The following PRKN variants were observed in gnomAD, a reference collection of about 807,000 sequenced individuals.
PRKN encodes the protein parkin RBR E3 ubiquitin protein ligase, also known as E3 ubiquitin-protein ligase parkin.
A neutral mutation model predicts 59.5 loss-of-function variants in PRKN; 56 were observed. That is an observed-to-expected ratio of 0.94 (90% confidence interval 0.76 to 1.18). The LOEUF is 1.18. Ranked by LOEUF, PRKN falls within the 50% of genes most tolerant of loss-of-function variation. The pLI, the probability that PRKN is intolerant of heterozygous loss-of-function variation, is 0.00. For missense variants in PRKN, 657 were observed against 596.4 expected (o/e 1.10, Z -1.06); for synonymous variants, 250 against 222.1 (o/e 1.13, Z -1.12).
At position 161,410,622 on chromosome 6, in the gene PRKN, C is replaced by T. The variant is rs539474990; in HGVS notation, c.1084-23745G>A. The stretch of plus-strand genomic sequence containing the variant: ...CTATTTCCTCCATTCTGGTGCTCAT[C>T]GTGGGCCATGCGTTGGTTACAAGGA... On this transcript the variant is annotated intron_variant, in intron 9 of 11. Transcript: ENST00000366898. This position sits in a 1 kb window ranked among gnomAD's most constrained non-coding sequence, Gnocchi z 5.3. 3.2e-4 allele frequency among the ~76,000 whole-genome samples: 48 copies of T among 152,148 alleles called. No homozygotes were observed. The highest frequency in any genetic ancestry group is 6.2e-4 in the Non-Finnish European group (42 of 68,020).
rs1351658285 is a variant in PRKN at position 161,548,050 on chromosome 6, A to G, written c.1083+804T>C. 6.6e-6 allele frequency among the ~76,000 whole-genome samples: 1 copy of G among 152,032 alleles called. No homozygotes were observed. Among genetic ancestry groups the G allele is most frequent in the East Asian group, 1.9e-4 (1 of 5,188 alleles). On this transcript the variant is annotated intron_variant, in intron 9 of 11. Coordinates refer to ENST00000366898, the MANE Select transcript of PRKN (RefSeq NM_004562.3). This position sits in a 1 kb window ranked among gnomAD's most constrained non-coding sequence, Gnocchi z 4.2. ...CTATCTGTGCTCCTTCTTGCACAAAACTCCTCATGAAGTTGCAATTTTAAA... is the reference window on the plus strand; with the variant it reads ...CTATCTGTGCTCCTTCTTGCACAAAGCTCCTCATGAAGTTGCAATTTTAAA...
intron 9 of PRKN, among the ~76,000 whole-genome samples, chr6:161,528,173 G>A (rs1156997565): frequency 6.6e-6 from 1 of 152,220 alleles, no homozygotes; most frequent in African/African-American, 2.4e-5. Flanking sequence ...ACTTAGCCAT[G>A]TCATATTGAG....
intron 3 of PRKN, among the ~76,000 whole-genome samples, chr6:162,216,963 T>C (rs1042669224): frequency 1.3e-5 from 2 of 152,216 alleles, no homozygotes; most frequent in Admixed American, 1.3e-4. Flanking sequence ...ATGATAATTA[T>C]ACCAGGTGAA....
rs1365171697 is a variant in PRKN at position 161,402,623 on chromosome 6, A to G, written c.1084-15746T>C. Among the ~76,000 whole-genome samples, 7 of 152,082 alleles carry G rather than the reference A, an allele frequency of 4.6e-5. No homozygotes were observed. Among genetic ancestry groups the G allele is most frequent in the Non-Finnish European group, 8.8e-5 (6 of 68,024 alleles). ...AACAGATTAACAGGAGAAAGAGCATATTCAATTCTGTACACATGAGAGTCC... is the reference window on the plus strand; with the variant it reads ...AACAGATTAACAGGAGAAAGAGCATGTTCAATTCTGTACACATGAGAGTCC... On this transcript the variant is annotated intron_variant, in intron 9 of 11. Transcript: ENST00000366898. This position sits in a 1 kb window ranked among gnomAD's most constrained non-coding sequence, Gnocchi z 4.5.
intron 6 of PRKN, among the ~76,000 whole-genome samples, chr6:161,806,887 T>C (rs1324115254): frequency 6.6e-6 from 1 of 152,130 alleles, no homozygotes; most frequent in Non-Finnish European, 1.5e-5. Context: ...ATTGAGAACA[T>C]GTGAAATTTT....
chr6:162,228,321 G>A (rs921286651), intron 3 of PRKN, among the ~76,000 whole-genome samples: 6 of 152,098 alleles, frequency 3.9e-5, no homozygotes, highest in Non-Finnish European at 7.4e-5. Context: ...ATAGAAATCT[G>A]GAGCACTACA....
At chr6:162,078,082 G>T (rs1320561739) in intron 4 of PRKN, among the ~76,000 whole-genome samples, 1 of 151,678 alleles carries the variant, frequency 6.6e-6, no homozygotes, top group African/African-American at 2.4e-5. Context: ...TAGCATATGG[G>T]ATAAGTTGAA....
At chr6:162,073,014 A>T (rs180794240) in intron 4 of PRKN, among the ~76,000 whole-genome samples, 4 of 152,312 alleles carry the variant, frequency 2.6e-5, no homozygotes, top group Admixed American at 1.3e-4. Flanking sequence ...CATCGATTTA[A>T]CATCCTCATG....
chr6:161,795,314 C>G (rs115080427), intron 6 of PRKN, among the ~76,000 whole-genome samples: 4,712 of 146,568 alleles, frequency 0.032, 240 homozygotes, highest in African/African-American at 0.11. Flanking sequence ...CTCACTGTAG[C>G]CTTCGTCTCC....
In PRKN at chr6:162,075,013, A is replaced by G. The variant is rs188992115; in HGVS notation, c.535-20839T>C. ...CAGATCTGGTGATTCACATGAACGC[A>G]CTCTTAACGGATTTAATTTAGGAGA... On this transcript the variant is annotated intron_variant, in intron 4 of 11. Coordinates refer to ENST00000366898, the MANE Select transcript of PRKN (RefSeq NM_004562.3). 3.6e-4 allele frequency among the ~76,000 whole-genome samples: 55 copies of G among 152,278 alleles called. 1 individual carries two copies. The highest frequency in any genetic ancestry group is 4.3e-4 in the Non-Finnish European group (29 of 68,030).
chr6:161,996,166 C>T (rs899661659), intron 5 of PRKN, among the ~76,000 whole-genome samples: 8 of 126,478 alleles, frequency 6.3e-5, no homozygotes, highest in African/African-American at 2.4e-4. Context: ...ATAAAGAAAA[C>T]GTGGTGTGTA....
At chr6:162,433,187 T>A (rs975963130) in intron 2 of PRKN, among the ~76,000 whole-genome samples, 1 of 152,236 alleles carries the variant, frequency 6.6e-6, no homozygotes, top group Admixed American at 6.5e-5. Context: ...AAAATTTGCT[T>A]ATGTGTCAGT....
chr6:161,394,473 TG>T (rs1786659389), intron 9 of PRKN, among the ~76,000 whole-genome samples: 1 of 152,234 alleles, frequency 6.6e-6, no homozygotes, highest in African/African-American at 2.4e-5. Context: ...GGCTTATTTT[TG>T]TTTTAGGTTT....
chr6:161,899,049 G>A (rs183583284), intron 6 of PRKN, among the ~76,000 whole-genome samples: 1 of 152,202 alleles, frequency 6.6e-6, no homozygotes, highest in East Asian at 1.9e-4. Flanking sequence ...TTGGCAGCTG[G>A]CTGCACAGCA....
chr6:162,702,566 C>G (rs1778195434), intron 1 of PRKN, among the ~76,000 whole-genome samples: 1 of 152,152 alleles, frequency 6.6e-6, no homozygotes, highest in South Asian at 2.1e-4. Context: ...ACTCCTTTGT[C>G]CTCTCAAGGT....
rs188096234 is a variant in PRKN, at chr6:162,696,967, T to C, written c.7+30695A>G. 1.6e-4 allele frequency among the ~76,000 whole-genome samples: 25 copies of C among 152,316 alleles called. No homozygotes were observed. In the East Asian group the frequency reaches 4.6e-3, roughly 28 times the overall value. The stretch of plus-strand genomic sequence containing the variant: ...ATTTTTAAGCATACTACAATATAAT[T>C]AACATATCTATAAATATTAACAATG... On this transcript the variant is annotated intron_variant, in intron 1 of 11. Coordinates refer to ENST00000366898, the MANE Select transcript of PRKN (RefSeq NM_004562.3).
chr6:161,589,918 T>G (rs1781655930), intron 7 of PRKN, among the ~76,000 whole-genome samples: 1 of 151,590 alleles, frequency 6.6e-6, no homozygotes, highest in Non-Finnish European at 1.5e-5. Flanking sequence ...TAGCTGGGAC[T>G]ACAGGTGCCC....
At chr6:161,496,497 A>G (rs1007081852) in intron 9 of PRKN, among the ~76,000 whole-genome samples, 10 of 152,200 alleles carry the variant, frequency 6.6e-5, no homozygotes, top group African/African-American at 2.4e-4. Flanking sequence ...GCCAATGAGG[A>G]GCAAAGGCAC....
chr6:162,682,807 A>T (rs1433971061), intron 1 of PRKN, among the ~76,000 whole-genome samples: 1 of 152,140 alleles, frequency 6.6e-6, no homozygotes, highest in Non-Finnish European at 1.5e-5. Flanking sequence ...AAAAGAAGAA[A>T]AAAAAGAACA....
Sources: allele counts gnomAD v4.1 joint callset (sites outside exome capture counted in the v4.1 genomes callset), GRCh38; gene constraint gnomAD v4.1.1; non-coding constraint Gnocchi (gnomAD v3.1); transcripts MANE v1.5; gene names NCBI Gene and HGNC (gene_info 2026-07-23, HGNC 2026-07-21).